Variants in SPIRE1 observed in about 807,000 individuals in gnomAD.
SPIRE1 encodes protein spire homolog 1.
In SPIRE1, 40 loss-of-function variants were observed where a neutral mutation model predicts 94.1. The ratio of observed to expected loss-of-function variants is 0.43; its 90% CI spans 0.33 to 0.55. The LOEUF is 0.55. SPIRE1 is among the 20% of genes least tolerant of loss of function. The pLI is 0.06. For missense variants in SPIRE1, 838 were observed against 975.2 expected, an observed-to-expected ratio of 0.86 and a Z score of 1.87; for synonymous variants, 376 against 371.7, an observed-to-expected ratio of 1.01 and a Z score of -0.13.
chr18:12,658,645 C>T (rs114100002), upstream of SPIRE1: 1,760 of 467,788 alleles, frequency 3.8e-3, 37 homozygotes, highest in African/African-American at 0.031. Flanking sequence ...AATGCAGGCC[C>T]GCTGAAGCCT....
rs2031397194 is a variant in SPIRE1, at chr18:12,454,289, T to A, written c.1776+57A>T. On this transcript the variant is annotated intron_variant, in intron 13 of 16. Coordinates refer to ENST00000409402, the MANE Select transcript of SPIRE1 (RefSeq NM_001128626.2). The stretch of plus-strand genomic sequence containing the variant: ...AGCAGATAACTCTCCCAGGAGACTA[T>A]GCATGGGACTGGCCATCCTTCTACT... 1.9e-6 allele frequency: 3 copies of A among 1,598,604 alleles called. No homozygotes were observed. In the South Asian group the frequency reaches 3.3e-5, roughly 18 times the overall value.
intron 4 of SPIRE1, among the ~76,000 whole-genome samples, chr18:12,533,750 A>T (rs943594771): frequency 2.6e-5 from 4 of 152,194 alleles, no homozygotes; most frequent in African/African-American, 9.6e-5. Flanking sequence ...CCCTAAAAAT[A>T]ATGCTCTGGG....
intron 1 of SPIRE1, among the ~76,000 whole-genome samples, chr18:12,643,444 C>T (rs2038139124): frequency 6.6e-6 from 1 of 152,244 alleles, no homozygotes. Context: ...TTCTGGTTTT[C>T]ATGCATTTCA....
intron 2 of SPIRE1, among the ~76,000 whole-genome samples, chr18:12,601,357 A>G (rs2036829488): frequency 6.6e-6 from 1 of 151,806 alleles, no homozygotes; most frequent in South Asian, 2.1e-4. Context: ...CAGGAGGTGG[A>G]GGTTGCAGTG....
chr18:12,560,784 A>G (rs942243129), intron 2 of SPIRE1, among the ~76,000 whole-genome samples: 71 of 152,174 alleles, frequency 4.7e-4, no homozygotes, highest in African/African-American at 1.6e-3. Flanking sequence ...TCCGGGAGGC[A>G]AAGGTTGGCA....
chr18:12,657,727 C>T lies in SPIRE1; in HGVS notation c.140G>A (p.Arg47Gln), dbSNP rs1306459644. The T allele has an allele frequency of 6.4e-6, 9 of 1,403,642 alleles. No individual in the cohort carries two copies. The highest frequency in any genetic ancestry group is 1.5e-5 in the South Asian group (1 of 68,760). 86.9% of individuals were successfully genotyped at this position (1,403,642 alleles called of 1,614,324 possible). A position where few individuals can be genotyped will look rare whatever the true frequency, so the allele number is the denominator to read the frequency against. The stretch of plus-strand genomic sequence containing the variant: ...CTCGTTGATGGGCTGGTTGTACAGC[C>T]GCAGGATCTCCTCCAGGCTCAGCGC... ...RDALSLEEIL[R>Q]LYNQPINEEQ... Residue 47 changes from arginine to glutamine, a missense_variant, in exon 1 of 17, where the codon CGG (arginine) becomes CAG (glutamine). Physicochemically the swap from Arg to Gln is conservative, Grantham distance 43 (BLOSUM62 1). Around this residue, in one of 2 missense-constraint regions of SPIRE1, gnomAD observed 193 missense variants for 170.5 expected, o/e 1.13. Transcript: ENST00000409402.
chr18:12,593,298 T>C (rs755383050), intron 2 of SPIRE1, among the ~76,000 whole-genome samples: 1 of 152,232 alleles, frequency 6.6e-6, no homozygotes, highest in African/African-American at 2.4e-5. Context: ...GGCAACATAT[T>C]AAGGAATTTA....
chr18:12,473,491 A>C (rs1287248427), intron 10 of SPIRE1, among the ~76,000 whole-genome samples: 1 of 152,202 alleles, frequency 6.6e-6, no homozygotes, highest in African/African-American at 2.4e-5. Flanking sequence ...GGACTGAGTA[A>C]ATAAAATACA....
rs2035615771 is a variant in SPIRE1 at position 12,559,268 on chromosome 18, GC to G, written c.373-12365del. ...CAGCTGAGGCCTAGTGAGAATTCGA[GC>G]ACAGTGCAGGCGGGCCAGCAGTGCT... On this transcript the variant is annotated intron_variant, in intron 2 of 16. Transcript: ENST00000409402. The surrounding 1 kb of genome is among the most constrained non-coding windows in gnomAD (Gnocchi z 4.7). Among the ~76,000 whole-genome samples the G allele has an allele frequency of 6.6e-6, 1 of 152,148 alleles. No individual in the cohort carries two copies. The highest frequency in any genetic ancestry group is 2.1e-4 in the South Asian group (1 of 4,832).
At chr18:12,615,345 A>AAAAAAATATATATATATATAT in intron 2 of SPIRE1, among the ~76,000 whole-genome samples, 2 of 17,242 alleles carry the variant, frequency 1.2e-4, no homozygotes, top group Non-Finnish European at 3.7e-4. Flanking sequence ...AAAAAAAAAA[A>AAAAAAATATATATATATATAT]ATATATATAT....
chr18:12,611,880 G>A (rs1453574739), intron 2 of SPIRE1, among the ~76,000 whole-genome samples: 4 of 150,896 alleles, frequency 2.7e-5, no homozygotes, highest in African/African-American at 9.8e-5. Flanking sequence ...CACTATGTTG[G>A]CCAGGCTGGT....
In SPIRE1 at chr18:12,482,175, G is replaced by A. The variant is rs141583832; in HGVS notation, c.1232-2304C>T. Among the ~76,000 whole-genome samples the A allele has an allele frequency of 1.1e-3, 169 of 152,238 alleles. 1 individual carries two copies. Among genetic ancestry groups the A allele is most frequent in the East Asian group, 6.2e-3 (32 of 5,186 alleles). On this transcript the variant is annotated intron_variant, in intron 9 of 16. Coordinates refer to ENST00000409402, the MANE Select transcript of SPIRE1 (RefSeq NM_001128626.2). ...TTTATTTTTTATTTGAGACAGTCTC[G>A]CTCTGTCTCTAGGCTGGAGTGCAGT...
At chr18:12,527,783 T>C (rs892121194) in intron 4 of SPIRE1, among the ~76,000 whole-genome samples, 1 of 151,906 alleles carries the variant, frequency 6.6e-6, no homozygotes, top group Non-Finnish European at 1.5e-5. Flanking sequence ...TAAAAATATG[T>C]TGGCCAGGTG....
At position 12,657,618 on chromosome 18, in the gene SPIRE1, G is replaced by A. The variant is rs964122384; in HGVS notation, c.249C>T (p.Arg83=). Residue 83 remains arginine, a synonymous_variant, in exon 1 of 17, where the codon CGC becomes CGT. Transcript: ENST00000409402. ...TCCAGACGCGGATCTGCGCGGCCGA[G>A]CGCACACGGTGGCGGGGCTGGCGGC... ...ARRRQPRHRV[R]SAAQIRVWRD... The A allele has an allele frequency of 6.6e-5, 86 of 1,299,108 alleles. No individual in the cohort carries two copies. The highest frequency in any genetic ancestry group is 7.8e-5 in the Non-Finnish European group (80 of 1,026,012). 80.5% of individuals were successfully genotyped at this position (1,299,108 alleles called of 1,614,324 possible).
intron 1 of SPIRE1, among the ~76,000 whole-genome samples, chr18:12,650,246 AT>A (rs1456717918): frequency 2.6e-5 from 4 of 151,730 alleles, no homozygotes; most frequent in Admixed American, 2.6e-4. Context: ...CTCAAAAAAA[AT>A]AAATAAACAA....
intron 2 of SPIRE1, among the ~76,000 whole-genome samples, chr18:12,557,162 G>A (rs960389041): frequency 2.6e-5 from 4 of 152,206 alleles, no homozygotes; most frequent in Non-Finnish European, 5.9e-5. Flanking sequence ...CTCAGCCCTT[G>A]GGCAGTCAAT....
chr18:12,498,454 G>A (rs531585490), intron 6 of SPIRE1, among the ~76,000 whole-genome samples: 1 of 152,060 alleles, frequency 6.6e-6, no homozygotes, highest in East Asian at 1.9e-4. Flanking sequence ...CACCATGTTG[G>A]CCAGGCTGGT....
In SPIRE1 at chr18:12,523,598, G is replaced by A. The variant is rs554685075; in HGVS notation, c.730-11067C>T. Among the ~76,000 whole-genome samples, 7 of 152,268 alleles carry A rather than the reference G, an allele frequency of 4.6e-5. No individual in the cohort carries two copies. In the South Asian group the frequency reaches 8.3e-4, roughly 18 times the overall value. On this transcript the variant is annotated intron_variant, in intron 4 of 16. Coordinates refer to ENST00000409402, the MANE Select transcript of SPIRE1 (RefSeq NM_001128626.2). ...TGATCAGTCAGCAGCCATTAATGTC[G>A]GATCAAGACACTTCACCAGCAAAAA...
At chr18:12,626,811 T>A (rs576451459) in intron 2 of SPIRE1, among the ~76,000 whole-genome samples, 1 of 151,010 alleles carries the variant, frequency 6.6e-6, no homozygotes, top group African/African-American at 2.4e-5. Flanking sequence ...CTTCATACAT[T>A]TGCTGTGATG....
Sources: allele counts gnomAD v4.1 joint callset (sites outside exome capture counted in the v4.1 genomes callset), GRCh38; gene constraint gnomAD v4.1.1; regional missense constraint gnomAD v4.1.1; non-coding constraint Gnocchi (gnomAD v3.1); transcripts MANE v1.5; gene names NCBI Gene and HGNC (gene_info 2026-07-23, HGNC 2026-07-21).